Variants in NAV2 observed in about 807,000 individuals in gnomAD.
NAV2 encodes neuron navigator 2.
NAV2 carries 54 observed loss-of-function variants against 223.2 expected under a neutral mutation model. The observed-to-expected ratio is 0.24, with a 90% CI of 0.19 to 0.30. NAV2 has a LOEUF of 0.30. NAV2 is among the 10% of genes least tolerant of loss of function. NAV2 has a pLI of 1.00. For missense variants in NAV2, 2,806 were observed against 3,147.5 expected (o/e 0.89, Z 2.60); for synonymous variants, 1,279 against 1,239.3 (o/e 1.03, Z -0.67).
In NAV2 at chr11:19,587,207, G is replaced by A. The variant is rs185565091; in HGVS notation, c.75+236180G>A. On this transcript the variant is annotated intron_variant, in intron 1 of 37. Coordinates refer to the NAV2 transcript ENST00000360655. Reference sequence around the variant, plus strand: ...GCAGGATATAATTTCTTGGTGTGCCGTTTGCTAAGACCATTGGAAAAGCAC... The same window carrying A: ...GCAGGATATAATTTCTTGGTGTGCCATTTGCTAAGACCATTGGAAAAGCAC... Among the ~76,000 whole-genome samples, 56 of 152,330 alleles carry A rather than the reference G, an allele frequency of 3.7e-4. No homozygotes were observed. In the South Asian group the frequency reaches 3.7e-3, roughly 10 times the overall value.
At chr11:19,831,250 T>TGGGGGGGG (rs543941517) in intron 1 of NAV2, among the ~76,000 whole-genome samples, 2 of 5,036 alleles carry the variant, frequency 4.0e-4, no homozygotes, top group African/African-American at 7.4e-4. Flanking sequence ...CGATGGGGAG[T>TGGGGGGGG]GGGGGGGGAT....
At chr11:19,856,728 A>G (rs566166337) in intron 3 of NAV2, among the ~76,000 whole-genome samples, 1 of 152,350 alleles carries the variant, frequency 6.6e-6, no homozygotes, top group South Asian at 2.1e-4. Context: ...AAGGCAGAGA[A>G]TAGCGGACCC....
At chr11:19,446,710 G>A (rs566284123) in intron 1 of NAV2, among the ~76,000 whole-genome samples, 15 of 152,272 alleles carry the variant, frequency 9.9e-5, no homozygotes, top group South Asian at 8.3e-4. Flanking sequence ...CAGCTGAACC[G>A]CTGAACTGCT....
rs762338282 is a variant in NAV2 at position 19,892,544 on chromosome 11, A to T, written c.881A>T (p.Lys294Ile). The T allele has an allele frequency of 2.2e-5, 36 of 1,614,010 alleles. No individual in the cohort carries two copies. The highest frequency in any genetic ancestry group is 8.5e-6 in the Non-Finnish European group (10 of 1,180,020). ...AGCCAGAGCTTTAACAACTATGATAAATCCAAACCAGTCACCTCCCCACCC... is the reference window on the plus strand; with the variant it reads ...AGCCAGAGCTTTAACAACTATGATATATCCAAACCAGTCACCTCCCCACCC... Reference protein sequence around the residue: ...RRSQSFNNYDKSKPVTSPPPP... With the variant: ...RRSQSFNNYDISKPVTSPPPP... The change falls in exon 6 of 38, where the codon AAA (lysine) becomes ATA (isoleucine). Residue 294 changes from lysine to isoleucine, a missense_variant. This residue lies in a region of NAV2 where 1,167 missense variants were observed against 1,180.5 expected (regional missense o/e 0.99). Coordinates refer to ENST00000349880, the MANE Select transcript of NAV2 (RefSeq NM_145117.5).
At chr11:19,776,660 G>GTGTA (rs1262454980) in intron 1 of NAV2, among the ~76,000 whole-genome samples, 3 of 150,696 alleles carry the variant, frequency 2.0e-5, no homozygotes, top group African/African-American at 7.3e-5. Flanking sequence ...GTGTGTGTGT[G>GTGTA]TGTGTGTGTG....
At chr11:19,402,421 G>A (rs1479798664) in intron 1 of NAV2, among the ~76,000 whole-genome samples, 5 of 152,174 alleles carry the variant, frequency 3.3e-5, no homozygotes, top group Admixed American at 1.3e-4. Flanking sequence ...GTAAGTATTA[G>A]TTTCTATCAC....
intron 1 of NAV2, among the ~76,000 whole-genome samples, chr11:19,761,135 C>G (rs1052355350): frequency 6.6e-6 from 1 of 152,064 alleles, no homozygotes; most frequent in African/African-American, 2.4e-5. Flanking sequence ...ACACTGAAGT[C>G]AAGTTTGCTA....
At chr11:19,815,474 T>C (rs1163878680) in intron 1 of NAV2, among the ~76,000 whole-genome samples, 1 of 152,262 alleles carries the variant, frequency 6.6e-6, no homozygotes, top group Non-Finnish European at 1.5e-5. Context: ...TGTATGTGGT[T>C]CTGAAGTTGG....
At chr11:19,515,166 A>G (rs762601834) in intron 1 of NAV2, among the ~76,000 whole-genome samples, 1 of 152,230 alleles carries the variant, frequency 6.6e-6, no homozygotes. Context: ...TTAACCTCAT[A>G]TAGCCAGTGT....
rs184621348 is a variant in NAV2, at chr11:19,380,049, C to A, written c.75+29022C>A. On this transcript the variant is annotated intron_variant, in intron 1 of 37. Transcript: ENST00000360655. ...ATAAATACGGCCATGATGGTTTTTA[C>A]CTTCCAGGCTCCTGCATAACACATC... Among the ~76,000 whole-genome samples, 647 of 152,168 alleles carry A rather than the reference C, an allele frequency of 4.3e-3. 8 individuals are homozygous for A. The highest frequency in any genetic ancestry group is 0.015 in the African/African-American group (627 of 41,502).
intron 11 of NAV2, among the ~76,000 whole-genome samples, chr11:19,994,276 G>A (rs937183297): frequency 6.6e-6 from 1 of 152,254 alleles, no homozygotes; most frequent in Non-Finnish European, 1.5e-5. Flanking sequence ...GCCAGGCGTG[G>A]TGGCTCATGC....
intron 1 of NAV2, among the ~76,000 whole-genome samples, chr11:19,749,141 T>C (rs2053600954): frequency 6.6e-6 from 1 of 152,230 alleles, no homozygotes; most frequent in South Asian, 2.1e-4. Flanking sequence ...CAGTGATCGA[T>C]TCATTTCCCA....
intron 1 of NAV2, among the ~76,000 whole-genome samples, chr11:19,442,473 G>A (rs1051333536): frequency 1.3e-5 from 2 of 152,240 alleles, no homozygotes; most frequent in Non-Finnish European, 2.9e-5. Flanking sequence ...ACAGAGGAGG[G>A]CTTTCCCCAG....
chr11:20,054,313 T>A (rs2058224524), intron 18 of NAV2, 73 bp downstream of exon 18: 3 of 1,392,614 alleles, frequency 2.2e-6, no homozygotes, highest in Non-Finnish European at 1.9e-6. Flanking sequence ...ACATAACATA[T>A]TTTTATTTCA....
intron 1 of NAV2, among the ~76,000 whole-genome samples, chr11:19,493,235 C>T (rs994624912): frequency 1.3e-5 from 2 of 151,190 alleles, no homozygotes; most frequent in African/African-American, 4.9e-5. Context: ...CAATAGAATA[C>T]TATACTGGAA....
intron 1 of NAV2, among the ~76,000 whole-genome samples, chr11:19,736,415 G>A (rs993219662): frequency 6.6e-6 from 1 of 152,176 alleles, no homozygotes; most frequent in Non-Finnish European, 1.5e-5. Context: ...CTCCTTGGCA[G>A]TCCCAGGTTC....
intron 1 of NAV2, among the ~76,000 whole-genome samples, chr11:19,609,689 A>G (rs1361208243): frequency 6.6e-6 from 1 of 152,182 alleles, no homozygotes; most frequent in East Asian, 1.9e-4. Flanking sequence ...ACCCAGCCTT[A>G]ACTGCGGAGG....
chr11:19,942,127 T>C (rs967986883), intron 8 of NAV2, among the ~76,000 whole-genome samples: 8 of 152,234 alleles, frequency 5.3e-5, no homozygotes, highest in Admixed American at 4.6e-4. Context: ...ATCTGTGAGC[T>C]GAAAGCTCCC....
At chr11:19,386,950 G>A (rs1849066335) in intron 1 of NAV2, among the ~76,000 whole-genome samples, 1 of 152,114 alleles carries the variant, frequency 6.6e-6, no homozygotes, top group South Asian at 2.1e-4. Flanking sequence ...GGCATGGGAT[G>A]GGTGCTGGGA....
Sources: allele counts gnomAD v4.1 joint callset (sites outside exome capture counted in the v4.1 genomes callset), GRCh38; gene constraint gnomAD v4.1.1; regional missense constraint gnomAD v4.1.1; transcripts MANE v1.5; gene names NCBI Gene and HGNC (gene_info 2026-07-23, HGNC 2026-07-21).